The following GMDS variants were observed in gnomAD, a reference collection of about 807,000 sequenced individuals.
GMDS encodes the protein GDP-mannose 4,6-dehydratase.
GMDS carries 20 observed loss-of-function variants against 49.9 expected under a neutral mutation model. The ratio of observed to expected loss-of-function variants is 0.40; its 90% CI spans 0.28 to 0.58. The LOEUF (loss-of-function observed/expected upper bound fraction) is 0.58, where lower values mean the gene tolerates loss of function less well. Ranked by LOEUF, GMDS falls within the 20% of genes least tolerant of loss-of-function variation. GMDS has a pLI of 0.42. For synonymous variants in GMDS, 177 were observed against 178.6 expected (o/e 0.99, Z 0.07); for missense variants, 362 against 481.4 (o/e 0.75, Z 2.32).
chr6:1,819,918 T>A (rs939662514), intron 7 of GMDS, among the ~76,000 whole-genome samples: 2 of 151,678 alleles, frequency 1.3e-5, no homozygotes, highest in African/African-American at 4.8e-5. Context: ...AATAGTATGA[T>A]ACAGATTAGG....
rs549097265 is a variant in GMDS, at chr6:1,896,750, A to T, written c.771+33353T>A. Among the ~76,000 whole-genome samples the T allele has an allele frequency of 2.0e-5, 3 of 152,100 alleles. No homozygotes were observed. In the South Asian group the frequency reaches 6.2e-4, roughly 32 times the overall value. On this transcript the variant is annotated intron_variant, in intron 7 of 10. Transcript: ENST00000380815. ...GATTACCTTCTGGATGGTGGTGTAGACTCTGTCCCATCAAAGTGTGATTGA... is the reference window on the plus strand; with the variant it reads ...GATTACCTTCTGGATGGTGGTGTAGTCTCTGTCCCATCAAAGTGTGATTGA...
intron 1 of GMDS, among the ~76,000 whole-genome samples, chr6:2,137,206 A>T (rs1251638145): frequency 6.6e-6 from 1 of 152,244 alleles, no homozygotes; most frequent in Non-Finnish European, 1.5e-5. Context: ...CTTCAATTTC[A>T]ACATGAATTC....
intron 1 of GMDS, among the ~76,000 whole-genome samples, chr6:2,218,913 A>G (rs1409105646): frequency 2.0e-5 from 3 of 152,182 alleles, no homozygotes; most frequent in Non-Finnish European, 4.4e-5. Context: ...GATTCTAAGC[A>G]TTAGGAATTT....
At chr6:1,647,234 G>A (rs779088048) in intron 9 of GMDS, among the ~76,000 whole-genome samples, 5 of 152,150 alleles carry the variant, frequency 3.3e-5, no homozygotes, top group South Asian at 2.1e-4. Flanking sequence ...TAACCCCTCC[G>A]CTGAACACCT....
intron 6 of GMDS, among the ~76,000 whole-genome samples, chr6:1,944,960 G>A (rs896229119): frequency 6.6e-6 from 1 of 152,022 alleles, no homozygotes; most frequent in Non-Finnish European, 1.5e-5. Flanking sequence ...ACATACAAAA[G>A]ATACTTATTC....
At chr6:2,102,312 A>G (rs1248380197) in intron 4 of GMDS, among the ~76,000 whole-genome samples, 3 of 152,214 alleles carry the variant, frequency 2.0e-5, no homozygotes, top group Admixed American at 2.0e-4. Flanking sequence ...TCCAACATTT[A>G]ATTATTCATG....
Position 1,910,658 on chromosome 6 carries a change from C to T in GMDS, c.771+19445G>A, listed in dbSNP as rs145977496. On this transcript the variant is annotated intron_variant, in intron 7 of 10. Coordinates refer to ENST00000380815, the MANE Select transcript of GMDS (RefSeq NM_001500.4). ...AGGACCCAACATACAGCACAGCAGA[C>T]GCTTTGCACATACACGAGGGTCTTT... Among the ~76,000 whole-genome samples, 117 of 152,238 alleles carry T rather than the reference C, an allele frequency of 7.7e-4. 1 individual carries two copies. Among genetic ancestry groups the T allele is most frequent in the Admixed American group, 2.6e-3 (39 of 15,282 alleles).
intron 4 of GMDS, among the ~76,000 whole-genome samples, chr6:1,997,840 G>A (rs1420736741): frequency 2.6e-5 from 4 of 152,094 alleles, no homozygotes; most frequent in African/African-American, 9.7e-5. Context: ...AAACAAGCAG[G>A]CTATGAAGGG....
intron 9 of GMDS, among the ~76,000 whole-genome samples, chr6:1,697,583 G>A (rs1044683794): frequency 2.0e-5 from 3 of 152,210 alleles, no homozygotes; most frequent in Non-Finnish European, 4.4e-5. Flanking sequence ...TCAAAGTATG[G>A]TCCCCAAACC....
chr6:2,156,976 A>T (rs1777142864), intron 1 of GMDS, among the ~76,000 whole-genome samples: 1 of 152,176 alleles, frequency 6.6e-6, no homozygotes, highest in East Asian at 1.9e-4. Flanking sequence ...TCACAGAAAA[A>T]CTAGTTCAGA....
At chr6:2,056,615 C>T (rs1770793831) in intron 4 of GMDS, among the ~76,000 whole-genome samples, 4 of 152,052 alleles carry the variant, frequency 2.6e-5, no homozygotes, top group African/African-American at 7.2e-5. Flanking sequence ...TTAAAAAAAC[C>T]GCAGATGCCA....
intron 7 of GMDS, among the ~76,000 whole-genome samples, chr6:1,886,288 T>C (rs1759601991): frequency 6.6e-6 from 1 of 152,206 alleles, no homozygotes; most frequent in Admixed American, 6.5e-5. Flanking sequence ...AATTTTACTC[T>C]AACAACTAAA....
chr6:1,646,891 G>A (rs1013735033), intron 9 of GMDS, among the ~76,000 whole-genome samples: 2 of 152,172 alleles, frequency 1.3e-5, no homozygotes, highest in Non-Finnish European at 2.9e-5. Flanking sequence ...GGGGTGGGGT[G>A]GGGAGGTTAG....
At chr6:2,072,441 G>A (rs541880189) in intron 4 of GMDS, among the ~76,000 whole-genome samples, 1 of 152,230 alleles carries the variant, frequency 6.6e-6, no homozygotes, top group East Asian at 1.9e-4. Context: ...ATGGATTATT[G>A]CTCCAAAATA....
intron 9 of GMDS, among the ~76,000 whole-genome samples, chr6:1,645,255 C>T (rs1276388987): frequency 6.6e-6 from 1 of 152,178 alleles, no homozygotes; most frequent in Middle Eastern, 3.2e-3. Flanking sequence ...TATACCCTGT[C>T]ATCCAGCACA....
Position 2,115,786 on chromosome 6 carries a change from G to T in GMDS, c.330C>A (p.Ala110=), listed in dbSNP as rs149364876. 8.4e-4 allele frequency: 1,321 copies of T among 1,580,774 alleles called. No individual in the cohort carries two copies. The highest frequency in any genetic ancestry group is 1.1e-3 in the Non-Finnish European group (1,211 of 1,150,034). ...AAATGCTTACTTTGACGTGGCTCTGGGCTCCAAGGTTGTAGATCTCTGTGG... is the reference window on the plus strand; with the variant it reads ...AAATGCTTACTTTGACGTGGCTCTGTGCTCCAAGGTTGTAGATCTCTGTGG... The part of the protein sequence containing the change: ...VKPTEIYNLG[A]QSHVKISFDL... Residue 110 remains alanine, a synonymous_variant, in exon 4 of 11, where the codon GCC becomes GCA. Coordinates refer to ENST00000380815, the MANE Select transcript of GMDS (RefSeq NM_001500.4).
intron 9 of GMDS, among the ~76,000 whole-genome samples, chr6:1,725,378 C>T (rs762044767): frequency 6.6e-6 from 1 of 152,152 alleles, no homozygotes; most frequent in Non-Finnish European, 1.5e-5. Context: ...TTCGCCCATC[C>T]ATCTAGCAAT....
intron 7 of GMDS, among the ~76,000 whole-genome samples, chr6:1,887,338 A>G (rs1296340623): frequency 6.6e-5 from 10 of 152,192 alleles, no homozygotes; most frequent in Non-Finnish European, 1.5e-4. Context: ...TCCAGGTGTT[A>G]GAAGGCCATA....
chr6:1,881,536 T>TG (rs1446176112), intron 7 of GMDS, among the ~76,000 whole-genome samples: 3 of 152,226 alleles, frequency 2.0e-5, no homozygotes, highest in Non-Finnish European at 4.4e-5. Flanking sequence ...GCATTACTGA[T>TG]GTAGTCAAAA....
Sources: allele counts gnomAD v4.1 joint callset (sites outside exome capture counted in the v4.1 genomes callset), GRCh38; gene constraint gnomAD v4.1.1; transcripts MANE v1.5; gene names NCBI Gene and HGNC (gene_info 2026-07-23, HGNC 2026-07-21).